The following PKM variants were observed in gnomAD, a reference collection of about 807,000 sequenced individuals.
The protein encoded by PKM is pyruvate kinase PKM.
Under a neutral mutation model 49.8 loss-of-function variants are expected in PKM, and 18 were observed. The ratio of observed to expected loss-of-function variants is 0.36; its 90% confidence interval spans 0.25 to 0.54. The LOEUF is 0.54. PKM is among the 20% of genes least tolerant of loss of function. The pLI, the probability that PKM is intolerant of heterozygous loss-of-function variation, is 0.89. For synonymous variants in PKM, 239 were observed against 261.8 expected, an observed-to-expected ratio of 0.91 and a Z score of 0.84; for missense variants, 508 against 713.8, an observed-to-expected ratio of 0.71 and a Z score of 3.28.
chr15:72,218,786 C>A (rs1247287412), intron 2 of PKM, among the ~76,000 whole-genome samples, 158 bp downstream of exon 2: 2 of 152,164 alleles, frequency 1.3e-5, no homozygotes, highest in Non-Finnish European at 2.9e-5. Flanking sequence ...CATACTAATT[C>A]TTTACTGCAA....
intron 1 of PKM, chr15:72,229,808 C>T (rs926093208): frequency 4.6e-6 from 3 of 645,302 alleles, no homozygotes; most frequent in African/African-American, 1.9e-5. Flanking sequence ...GTTCAGTGAA[C>T]GCGACAGATT....
At chr15:72,210,289 A>G in intron 4 of PKM, 58 bp downstream of exon 4, 3 of 1,589,536 alleles carry the variant, frequency 1.9e-6, no homozygotes, top group Non-Finnish European at 2.6e-6. Context: ...TTTGGAGGAC[A>G]TGTCTCTGGG....
chr15:72,209,597 C>G (rs1423544451), intron 5 of PKM, 76 bp downstream of exon 5: 19 of 1,320,970 alleles, frequency 1.4e-5, no homozygotes, highest in Non-Finnish European at 2.1e-5. Context: ...AACCAACCTT[C>G]CCATCTTCCT....
intron 2 of PKM, 22 bp downstream of exon 2, chr15:72,218,922 G>C (rs1235226542): frequency 6.2e-7 from 1 of 1,613,708 alleles, no homozygotes; most frequent in Non-Finnish European, 8.5e-7. Context: ...CCTTTTTTGG[G>C]GGAAGGGGCA....
rs2082854633 is a variant in PKM at position 72,231,081 on chromosome 15, T to A, written c.-14+35A>T. ...CACTAGCCGGGCGACTGGCCCTTGG[T>A]GGGGACTGATGGCGTAGCCTCCTGC... On this transcript the variant is annotated intron_variant, in intron 1 of 10. Transcript: ENST00000335181. The A allele has an allele frequency of 5.5e-6, 3 of 543,496 alleles. No homozygotes were observed. The African/African-American group carries it at 5.8e-5, about 11-fold the overall frequency. The allele number at this position is 543,496 out of a possible 1,614,324, so 33.7% of individuals were successfully genotyped here. A position where few individuals can be genotyped will look rare whatever the true frequency, so the allele number is the denominator to read the frequency against.
At chr15:72,209,016 C>G in intron 5 of PKM, 125 bp from the exon 6 acceptor site, 1 of 1,068,558 alleles carries the variant, frequency 9.4e-7, no homozygotes, top group Non-Finnish European at 1.4e-6. Flanking sequence ...AGCTGTTTTA[C>G]CAGAGTTGAA....
In PKM at chr15:72,199,699, C is replaced by T. The variant is rs780105754; in HGVS notation, c.1547G>A (p.Arg516His). ...GGTGTTGGTGAAGCCGGAGCCAGGG[C>T]GCCATCCGGTCAGCACAATGACCAC... Reference protein sequence around the residue: ...GDVVIVLTGWRPGSGFTNTMR... With the variant: ...GDVVIVLTGWHPGSGFTNTMR... The change falls in exon 11 of 11, where the codon CGC becomes CAC. Residue 516 changes from arginine (R) to histidine (H), a missense_variant. Transcript: ENST00000335181. The T allele has an allele frequency of 6.8e-6, 11 of 1,613,794 alleles. No individual in the cohort carries two copies. The highest frequency in any genetic ancestry group is 3.3e-5 in the South Asian group (3 of 91,076).
At chr15:72,227,554 G>A (rs1185575894) in intron 1 of PKM, among the ~76,000 whole-genome samples, 5 of 151,964 alleles carry the variant, frequency 3.3e-5, no homozygotes, top group Admixed American at 3.3e-4. Context: ...GACCAGCCTG[G>A]CCAACATGGT....
chr15:72,204,302 A>T (rs1407304939), intron 8 of PKM: 1 of 152,276 alleles, frequency 6.6e-6, no homozygotes, highest in East Asian at 1.9e-4. Context: ...CTGGAGGGGC[A>T]GCTACAGCCT....
At chr15:72,205,684 T>C (rs1178846463) in intron 8 of PKM, among the ~76,000 whole-genome samples, 4 of 144,412 alleles carry the variant, frequency 2.8e-5, no homozygotes, top group African/African-American at 5.1e-5. Flanking sequence ...GTTTTAAACT[T>C]GGGGGCTTGG....
chr15:72,217,258 G>C (rs1274759022), intron 3 of PKM, 151 bp downstream of exon 3: 2 of 660,308 alleles, frequency 3.0e-6, no homozygotes, highest in East Asian at 5.4e-5. Flanking sequence ...GAGGGAAGGA[G>C]AGTAGGGATG....
At chr15:72,212,121 G>C (rs2082268602) in intron 3 of PKM, among the ~76,000 whole-genome samples, 1 of 152,050 alleles carries the variant, frequency 6.6e-6, no homozygotes, top group South Asian at 2.1e-4. Context: ...TTTTTTATAG[G>C]GTTCCTTATA....
chr15:72,221,682 TGGGA>T (rs1442568968), intron 1 of PKM, among the ~76,000 whole-genome samples: 1 of 152,144 alleles, frequency 6.6e-6, no homozygotes, highest in Non-Finnish European at 1.5e-5. Context: ...ATAAAATTGT[TGGGA>T]GGAAGTAAAT....
rs1379254049 is a variant in PKM, at chr15:72,202,508, T to C, written c.1253A>G (p.Glu418Gly). The C allele has an allele frequency of 6.2e-7, 1 of 1,613,754 alleles. No homozygotes were observed. Among genetic ancestry groups the C allele is most frequent in the Non-Finnish European group, 8.5e-7 (1 of 1,179,958 alleles). Reference sequence around the variant, plus strand: ...CCCACTGCAGCACTTGAAGGAGGCCTCCACGGCACCCACGGCGGTGGCTTC... The same window carrying C: ...CCCACTGCAGCACTTGAAGGAGGCCCCCACGGCACCCACGGCGGTGGCTTC... Reference protein sequence around the residue: ...PTEATAVGAVEASFKCCSGAI... With the variant: ...PTEATAVGAVGASFKCCSGAI... The change falls in exon 9 of 11, where the codon GAG becomes GGG. Residue 418 changes from glutamate to glycine, a missense_variant. Transcript: ENST00000335181. The surrounding 1 kb of genome is among the most constrained non-coding windows in gnomAD (Gnocchi z 4.5).
At chr15:72,223,528 C>A (rs2082582346) in intron 1 of PKM, among the ~76,000 whole-genome samples, 1 of 152,176 alleles carries the variant, frequency 6.6e-6, no homozygotes, top group African/African-American at 2.4e-5. Context: ...CGAACACCTG[C>A]ATCCGTTAGA....
chr15:72,203,079 A>G (rs1264835882), intron 8 of PKM: 1 of 1,614,198 alleles, frequency 6.2e-7, no homozygotes, highest in Non-Finnish European at 8.5e-7. Context: ...AGAAGCCTCC[A>G]CGCTGCCCAT....
chr15:72,225,535 T>TCTATATCCTTCACTGTA (rs2082644849), intron 1 of PKM, among the ~76,000 whole-genome samples: 1 of 152,192 alleles, frequency 6.6e-6, no homozygotes, highest in African/African-American at 2.4e-5. Context: ...TCCTTCCAGT[T>TCTATATCCTTCACTGTA]CACTGAAGTC....
At position 72,202,426 on chromosome 15, in the gene PKM, AT is replaced by A. The variant is rs765571209; in HGVS notation, c.1307+27del. 6.2e-7 allele frequency: 1 copy of A among 1,605,216 alleles called. No individual in the cohort carries two copies. Among genetic ancestry groups the A allele is most frequent in the African/African-American group, 1.3e-5 (1 of 74,890 alleles). ...AAGGTGAGGTACCACTGAGCAGGGC[AT>A]TCCAGGGAGCCGCTGCCGCCTCCTA... On this transcript the variant is annotated intron_variant, in intron 9 of 10. Coordinates refer to ENST00000335181, the MANE Select transcript of PKM (RefSeq NM_002654.6). This position sits in a 1 kb window ranked among gnomAD's most constrained non-coding sequence, Gnocchi z 4.5.
At chr15:72,229,058 A>G (rs2082767915) in intron 1 of PKM, among the ~76,000 whole-genome samples, 2 of 152,138 alleles carry the variant, frequency 1.3e-5, no homozygotes, top group South Asian at 4.2e-4. Context: ...TCAATATTAA[A>G]CCAGATCCCT....
Sources: allele counts gnomAD v4.1 joint callset (sites outside exome capture counted in the v4.1 genomes callset), GRCh38; gene constraint gnomAD v4.1.1; non-coding constraint Gnocchi (gnomAD v3.1); transcripts MANE v1.5; gene names NCBI Gene and HGNC (gene_info 2026-07-23, HGNC 2026-07-21).